The following COX11 variants were observed in gnomAD, a reference collection of about 807,000 sequenced individuals.
COX11 encodes cytochrome c oxidase assembly protein COX11, mitochondrial.
COX11 carries 18 observed loss-of-function variants against 29.4 expected under a neutral mutation model. The ratio of observed to expected loss-of-function variants is 0.61; its 90% confidence interval spans 0.42 to 0.91. COX11 has a LOEUF of 0.91. Ranked by LOEUF, COX11 falls within the 40% of genes least tolerant of loss-of-function variation. COX11 has a pLI of 0.00. For missense variants in COX11, 312 were observed against 346.0 expected (o/e 0.90, Z 0.78); for synonymous variants, 131 against 124.0 (o/e 1.06, Z -0.38).
chr17:54,963,225 G>T, intron 3 of COX11, 81 bp downstream of exon 3: 1 of 1,451,512 alleles, frequency 6.9e-7, no homozygotes. Context: ...GAAATCACAA[G>T]ATCTACTAAA....
At chr17:54,955,130 A>G (rs1368031093) in exon 1 of COX11, 3 of 152,184 alleles carry the variant, frequency 2.0e-5, no homozygotes, top group African/African-American at 7.2e-5. Flanking sequence ...GATGACACAA[A>G]TCCCACAACT....
chr17:54,963,572 G>T, intron 2 of COX11, 141 bp from the exon 3 acceptor site: 1 of 768,048 alleles, frequency 1.3e-6, no homozygotes, highest in Non-Finnish European at 2.0e-6. Context: ...AATAAATTGT[G>T]AATATTACCC....
intron 2 of COX11, among the ~76,000 whole-genome samples, chr17:54,964,097 T>C (rs55731448): frequency 9.9e-5 from 15 of 152,280 alleles, no homozygotes; most frequent in Non-Finnish European, 1.3e-4. Flanking sequence ...TTTTCCAATA[T>C]GGGTTGAAAT....
chr17:54,955,484 T>C (rs1460269872), downstream of COX11, among the ~76,000 whole-genome samples: 2 of 152,140 alleles, frequency 1.3e-5, no homozygotes, highest in African/African-American at 2.4e-5. Context: ...AGTCCTTCTG[T>C]GACTGCTGCA....
At chr17:54,966,431 T>A (rs1457814219) in intron 1 of COX11, among the ~76,000 whole-genome samples, 1 of 152,170 alleles carries the variant, frequency 6.6e-6, no homozygotes, top group African/African-American at 2.4e-5. Context: ...GTTATTTCAG[T>A]TTGGGGCAGG....
chr17:54,968,669 C>G (rs762755410), upstream of COX11: 1 of 1,591,358 alleles, frequency 6.3e-7, no homozygotes. Context: ...TAACACCCAC[C>G]CGCCTCTCAG....
chr17:54,954,047 T>C (rs1406832206), exon 1 of COX11: 1 of 152,182 alleles, frequency 6.6e-6, no homozygotes, highest in Admixed American at 6.5e-5. Context: ...ATTCCTATAA[T>C]GATGAAGCCA....
Position 54,963,350 on chromosome 17 carries a change from T to G in COX11, c.604A>C (p.Asn202His), listed in dbSNP as rs755784461. The G allele has an allele frequency of 2.5e-6, 4 of 1,612,244 alleles. No homozygotes were observed. Among genetic ancestry groups the G allele is most frequent in the Non-Finnish European group, 3.4e-6 (4 of 1,179,028 alleles). ...TGTCCAGCTTCAAATGGAACAATAT[T>G]GTATGTAGAAATTCCAATTACTGGT... ...DKPVIGISTY[N>H]IVPFEAGQYF... Residue 202 changes from asparagine to histidine, a missense_variant, in exon 3 of 4, where the codon AAT becomes CAT. By Grantham distance (68) the Asn-to-His change is moderately conservative. Around this residue, in one of 2 missense-constraint regions of COX11, gnomAD observed 182 missense variants for 240.0 expected, o/e 0.76. Coordinates refer to ENST00000299335, the MANE Select transcript of COX11 (RefSeq NM_004375.5).
At chr17:54,956,181 GTCAC>G (rs1372294416), downstream of COX11, among the ~76,000 whole-genome samples, 25 of 152,286 alleles carry the variant, frequency 1.6e-4, no homozygotes, top group Admixed American at 1.2e-3. Context: ...GTCTCACTGT[GTCAC>G]TCAAACTAGA....
upstream of COX11, chr17:54,968,704 G>A (rs1008996967): frequency 4.5e-5 from 70 of 1,548,556 alleles, no homozygotes; most frequent in Middle Eastern, 1.7e-4. Context: ...ATCTCGCGAG[G>A]CGTGCTCCGT....
chr17:54,962,795 G>C lies in COX11; in HGVS notation c.769C>G (p.Leu257Val). The C allele has an allele frequency of 1.2e-6, 2 of 1,613,022 alleles. No homozygotes were observed. Among genetic ancestry groups the C allele is most frequent in the Non-Finnish European group, 1.7e-6 (2 of 1,179,318 alleles). Residue 257 changes from leucine to valine, a missense_variant, in exon 4 of 4, where the codon CTT (leucine) becomes GTT (valine). Physicochemically the swap from Leu to Val is conservative, Grantham distance 32 (BLOSUM62 1). This residue lies in a region of COX11 where 182 missense variants were observed against 240.0 expected (regional missense o/e 0.76). Transcript: ENST00000299335. ...TTTGCTTCAAAAAAAGTGTAAGAAAGAGTGATAAGATCAACTTTAATCATT... is the reference window on the plus strand; with the variant it reads ...TTTGCTTCAAAAAAAGTGTAAGAAACAGTGATAAGATCAACTTTAATCATT... ...PRMIKVDLIT[L>V]SYTFFEAKEG...
chr17:54,955,947 C>G (rs2049478503), downstream of COX11, among the ~76,000 whole-genome samples: 1 of 152,162 alleles, frequency 6.6e-6, no homozygotes, highest in African/African-American at 2.4e-5. Flanking sequence ...CAAGGCCCTT[C>G]TCTAGTCTCC....
chr17:54,964,735 G>A lies in COX11; in HGVS notation c.484C>T (p.Leu162Phe), dbSNP rs776536496. 1.9e-6 allele frequency: 3 copies of A among 1,613,962 alleles called. No individual in the cohort carries two copies. The highest frequency in any genetic ancestry group is 8.5e-7 in the Non-Finnish European group (1 of 1,179,914). The part of the protein sequence containing the change: ...ISFNADVHAS[L>F]QWNFRPQQTE... The stretch of plus-strand genomic sequence containing the variant: ...TGCTGAGGTCTAAAGTTCCACTGGA[G>A]ACTTGCATGCACATCTGCATTAAAG... The change falls in exon 2 of 4, where the codon CTC becomes TTC. Residue 162 changes from leucine to phenylalanine, a missense_variant. Transcript: ENST00000299335.
rs151142144 is a variant in COX11 at position 54,965,414 on chromosome 17, T to G, written c.367-562A>C. On this transcript the variant is annotated intron_variant, in intron 1 of 3. Transcript: ENST00000299335. ...TTGGTTAATGGTTTTGAATCTTTTCTGTACTTCTCTGTATAGTAGAGCTTT... is the reference window on the plus strand; with the variant it reads ...TTGGTTAATGGTTTTGAATCTTTTCGGTACTTCTCTGTATAGTAGAGCTTT... Among the ~76,000 whole-genome samples the G allele has an allele frequency of 8.0e-3, 1,217 of 152,360 alleles. 11 individuals are homozygous for G. Among genetic ancestry groups the G allele is most frequent in the Middle Eastern group, 0.027 (8 of 294 alleles).
chr17:54,961,160 G>A lies in COX11; in HGVS notation c.*1573C>T. The A allele has an allele frequency of 9.6e-7, 1 of 1,041,698 alleles. No individual in the cohort carries two copies. The allele number at this position is 1,041,698 out of a possible 1,614,324, so 64.5% of individuals were successfully genotyped here. A position where few individuals can be genotyped will look rare whatever the true frequency, so the allele number is the denominator to read the frequency against. On this transcript the variant is annotated 3_prime_UTR_variant, in exon 4 of 4. Coordinates refer to ENST00000299335, the MANE Select transcript of COX11 (RefSeq NM_004375.5). Reference sequence around the variant, plus strand: ...TGTGACTCTCCAGCTTCCCAGTAAAGACAAGAGAGTTATCAAGGAATGGGG... The same window carrying A: ...TGTGACTCTCCAGCTTCCCAGTAAAAACAAGAGAGTTATCAAGGAATGGGG...
Position 54,968,578 on chromosome 17 carries a change from C to T in COX11, c.69G>A (p.Gly23=), listed in dbSNP as rs760467892. 18 of 1,612,888 alleles carry T rather than the reference C, an allele frequency of 1.1e-5. No individual in the cohort carries two copies. The highest frequency in any genetic ancestry group is 1.1e-4 in the East Asian group (5 of 44,858). Residue 23 remains glycine, a synonymous_variant, in exon 1 of 4, where the codon GGG becomes GGA. Transcript: ENST00000299335. ...PFCGWRWIHP[G]SPTRAAERVE... ...CCCTCTCTGCAGCCCTGGTTGGAGA[C>T]CCAGGGTGGATCCAGCGCCAGCCAC...
At position 54,961,352 on chromosome 17, in the gene COX11, G is replaced by A; in HGVS notation, c.*1381C>T. ...CTACCAACATGTCAAAGCCATGGTG[G>A]CACATTTCTGCTATAATGAAGATTA... On this transcript the variant is annotated 3_prime_UTR_variant, in exon 4 of 4. Coordinates refer to ENST00000299335, the MANE Select transcript of COX11 (RefSeq NM_004375.5). 1 of 1,551,204 alleles carries A rather than the reference G, an allele frequency of 6.4e-7. No individual in the cohort carries two copies. Among genetic ancestry groups the A allele is most frequent in the African/African-American group, 1.4e-5 (1 of 73,138 alleles).
chr17:54,963,280 T>C (rs1444931894), intron 3 of COX11, 26 bp downstream of exon 3: 2 of 1,598,826 alleles, frequency 1.3e-6, no homozygotes, highest in Non-Finnish European at 1.7e-6. Flanking sequence ...TTTATCATAT[T>C]CTGTAAAGTT....
Position 54,968,650 on chromosome 17 carries a change from C to T in COX11, c.-4G>A, listed in dbSNP as rs753090812. The T allele has an allele frequency of 1.9e-5, 31 of 1,608,464 alleles. No homozygotes were observed. The highest frequency in any genetic ancestry group is 2.4e-5 in the Non-Finnish European group (28 of 1,178,326). ...CAGGACGCCAGAGCCCTCCCATAAC[C>T]CTCTGAACTAACACCCACCCGCCTC... On this transcript the variant is annotated 5_prime_UTR_variant, in exon 1 of 4. Transcript: ENST00000299335.
Sources: gnomAD v4.1 joint callset for allele counts (sites outside exome capture counted in the v4.1 genomes callset) on GRCh38, gnomAD v4.1.1 for gene constraint, gnomAD v4.1.1 regional missense constraint, MANE v1.5 for transcripts, NCBI Gene and HGNC (gene_info 2026-07-23, HGNC 2026-07-21) for gene names.